CYS1: variants seen among roughly 807,000 people sequenced by gnomAD.
CYS1 encodes cystin-1.
Under a neutral mutation model 9.6 loss-of-function variants are expected in CYS1, and 5 were observed. The ratio of observed to expected loss-of-function variants is 0.52; its 90% CI spans 0.27 to 1.10. The LOEUF is 1.10. Ranked by LOEUF, CYS1 falls within the 50% of genes least tolerant of loss-of-function variation. The probability of loss-of-function intolerance (pLI) is 0.11; values close to 1 mark genes in which losing one functional copy is unlikely to be tolerated. For synonymous variants in CYS1, 88 were observed against 95.7 expected (o/e 0.92, Z 0.47); for missense variants, 221 against 207.9 (o/e 1.06, Z -0.39).
chr2:10,064,834 T>C (rs1272925802), intron 2 of CYS1, among the ~76,000 whole-genome samples: 2 of 151,644 alleles, frequency 1.3e-5, no homozygotes, highest in South Asian at 2.1e-4. Flanking sequence ...TCTCCTGCCT[T>C]AGCCCCCGGA....
In CYS1 at chr2:10,058,489, GC is replaced by G. The variant is rs1661580945; in HGVS notation, c.*363del. On this transcript the variant is annotated 3_prime_UTR_variant, in exon 3 of 3. Coordinates refer to ENST00000381813, the MANE Select transcript of CYS1 (RefSeq NM_001037160.3). The stretch of plus-strand genomic sequence containing the variant: ...TGTTGTGGCGCGGATGCCAGGAGGG[GC>G]TCGCTTGTGTCACCTAGTCCTCGTG... 1 of 202,446 alleles carries G rather than the reference GC, an allele frequency of 4.9e-6. No individual in the cohort carries two copies. Among genetic ancestry groups the G allele is most frequent in the African/African-American group, 2.3e-5 (1 of 43,692 alleles). The allele number at this position is 202,446 out of a possible 1,614,324, so 12.5% of individuals were successfully genotyped here.
chr2:10,058,805 C>T lies in CYS1; in HGVS notation c.*48G>A. The stretch of plus-strand genomic sequence containing the variant: ...AGCTCTGTGCAAGCAGAGGGTGCCC[C>T]AGCCAGCAGGTGCCTCCGAGGCCTG... On this transcript the variant is annotated 3_prime_UTR_variant, in exon 3 of 3. Coordinates refer to ENST00000381813, the MANE Select transcript of CYS1 (RefSeq NM_001037160.3). 1.3e-6 allele frequency: 2 copies of T among 1,485,926 alleles called. No homozygotes were observed. The highest frequency in any genetic ancestry group is 9.1e-7 in the Non-Finnish European group (1 of 1,100,410). 92.0% of individuals were successfully genotyped at this position (1,485,926 alleles called of 1,614,324 possible).
rs6721224 is a variant in CYS1, at chr2:10,076,382, G to T, written c.318+3524C>A. ...CCCTACCGCCATCCACTACTGCTGC[G>T]CTGTAAAAAGAGCCTTCCTACAAGA... On this transcript the variant is annotated intron_variant, in intron 1 of 2. Coordinates refer to ENST00000381813, the MANE Select transcript of CYS1 (RefSeq NM_001037160.3). This position sits in a 1 kb window ranked among gnomAD's most constrained non-coding sequence, Gnocchi z 4.3. Among the ~76,000 whole-genome samples, 1 of 151,766 alleles carries T rather than the reference G, an allele frequency of 6.6e-6. No homozygotes were observed. The highest frequency in any genetic ancestry group is 1.5e-5 in the Non-Finnish European group (1 of 67,970).
At chr2:10,070,306 G>A (rs569771544) in intron 1 of CYS1, among the ~76,000 whole-genome samples, 2 of 152,076 alleles carry the variant, frequency 1.3e-5, no homozygotes, top group East Asian at 1.9e-4. Flanking sequence ...GACCTCTATC[G>A]CTGCGGTCCC....
chr2:10,059,814 C>T (rs1214801598), intron 2 of CYS1, among the ~76,000 whole-genome samples: 2 of 152,284 alleles, frequency 1.3e-5, no homozygotes, highest in Non-Finnish European at 2.9e-5. Flanking sequence ...ACCACACGTT[C>T]AGGATCCCGC....
chr2:10,071,318 T>C lies in CYS1; in HGVS notation c.319-5362A>G, dbSNP rs373846580. On this transcript the variant is annotated intron_variant, in intron 1 of 2. Transcript: ENST00000381813. ...GACATCCAGCCAAGCCCAGGGCCTG[T>C]CAGGGTGGACACTGAGCTGCCTGCT... is the stretch of plus-strand genomic sequence containing the variant. 1.1e-4 allele frequency among the ~76,000 whole-genome samples: 17 copies of C among 152,264 alleles called. No homozygotes were observed. In the East Asian group the frequency reaches 2.1e-3, roughly 19 times the overall value.
At chr2:10,059,031 A>G in intron 2 of CYS1, 73 bp from the exon 3 acceptor site, 2 of 1,396,078 alleles carry the variant, frequency 1.4e-6, no homozygotes, top group South Asian at 1.2e-5. Flanking sequence ...CCTGGCCACC[A>G]CAATGGCTCC....
intron 1 of CYS1, among the ~76,000 whole-genome samples, chr2:10,066,425 G>A (rs1661695907): frequency 6.6e-6 from 1 of 152,146 alleles, no homozygotes; most frequent in African/African-American, 2.4e-5. Context: ...CAGGAACCAC[G>A]CGACCCCGAC....
chr2:10,059,346 A>G (rs1661595279), intron 2 of CYS1, among the ~76,000 whole-genome samples: 3 of 152,258 alleles, frequency 2.0e-5, no homozygotes, highest in African/African-American at 7.2e-5. Flanking sequence ...GTTCTGAAGC[A>G]TAAGATAATG....
Position 10,079,976 on chromosome 2 carries a change from G to T in CYS1, c.248C>A (p.Ala83Asp), listed in dbSNP as rs986875210. 3.6e-6 allele frequency: 4 copies of T among 1,104,264 alleles called. No individual in the cohort carries two copies. The African/African-American group carries it at 6.7e-5, about 18-fold the overall frequency. The allele number at this position is 1,104,264 out of a possible 1,614,324, so 68.4% of individuals were successfully genotyped here. The stretch of plus-strand genomic sequence containing the variant: ...CGGGGCGGGCTCCGGGGGGCCCCAG[G>T]CCGCCGACTCGGCCAGCAGCTCGTC... ...LLDELLAESA[A>D]WGPPEPAPRR... Residue 83 changes from alanine to aspartate, a missense_variant, in exon 1 of 3, where the codon GCC becomes GAC. By Grantham distance (126) the Ala-to-Asp change is moderately radical. Coordinates refer to ENST00000381813, the MANE Select transcript of CYS1 (RefSeq NM_001037160.3).
Position 10,058,538 on chromosome 2 carries a change from G to A in CYS1, c.*315C>T. 1 of 282,178 alleles carries A rather than the reference G, an allele frequency of 3.5e-6. No individual in the cohort carries two copies. Among genetic ancestry groups the A allele is most frequent in the Non-Finnish European group, 6.7e-6 (1 of 148,158 alleles). 17.5% of individuals were successfully genotyped at this position (282,178 alleles called of 1,614,324 possible). A position where few individuals can be genotyped will look rare whatever the true frequency, so the allele number is the denominator to read the frequency against. On this transcript the variant is annotated 3_prime_UTR_variant, in exon 3 of 3. Transcript: ENST00000381813. ...GTGAGCCCTCCCCACTGTGGAGAGC[G>A]GGCAACCAAGAGGGGCACGCATTTC...
intron 1 of CYS1, among the ~76,000 whole-genome samples, 183 bp from the exon 2 acceptor site, chr2:10,066,139 G>A (rs913604166): frequency 1.3e-5 from 2 of 152,220 alleles, no homozygotes; most frequent in Non-Finnish European, 2.9e-5. Context: ...GAAAACGGAG[G>A]CTGCAAAAAG....
rs1661654474 is a variant in CYS1 at position 10,063,422 on chromosome 2, T to C, written c.371+2482A>G. ...GGGTTTCTTCTTCGATATTTTATTA[T>C]GAAAAATTTCAAACATACTGAAAAG... On this transcript the variant is annotated intron_variant, in intron 2 of 2. Coordinates refer to ENST00000381813, the MANE Select transcript of CYS1 (RefSeq NM_001037160.3). This position sits in a 1 kb window ranked among gnomAD's most constrained non-coding sequence, Gnocchi z 4.2. Among the ~76,000 whole-genome samples the C allele has an allele frequency of 6.6e-6, 1 of 152,232 alleles. No individual in the cohort carries two copies. The highest frequency in any genetic ancestry group is 2.4e-5 in the African/African-American group (1 of 41,460).
In CYS1 at chr2:10,059,169, C is replaced by T. The variant is rs147307671; in HGVS notation, c.372-211G>A. ...TTCATCTCCCACAACGCTGAGCCCT[C>T]GCAGAGTGGAAGCCAGCACCTGCCC... On this transcript the variant is annotated intron_variant, in intron 2 of 2. Transcript: ENST00000381813. Among the ~76,000 whole-genome samples the T allele has an allele frequency of 6.3e-3, 957 of 152,368 alleles. 5 individuals carry two copies. Among genetic ancestry groups the T allele is most frequent in the Non-Finnish European group, 8.6e-3 (588 of 68,026 alleles).
intron 1 of CYS1, among the ~76,000 whole-genome samples, chr2:10,069,980 C>T (rs772096374): frequency 6.6e-6 from 1 of 152,202 alleles, no homozygotes; most frequent in Non-Finnish European, 1.5e-5. Context: ...AAAGGCTGCC[C>T]CAGGAGGCAG....
At chr2:10,075,849 A>G (rs1661835597) in intron 1 of CYS1, among the ~76,000 whole-genome samples, 1 of 152,234 alleles carries the variant, frequency 6.6e-6, no homozygotes, top group African/African-American at 2.4e-5. Flanking sequence ...CCAGGTTTAT[A>G]GGCAGAGGGA....
chr2:10,062,337 C>G (rs569335959), intron 2 of CYS1, among the ~76,000 whole-genome samples: 2 of 152,284 alleles, frequency 1.3e-5, no homozygotes, highest in South Asian at 4.1e-4. Flanking sequence ...CTCAGAAACC[C>G]ACATGTTAAA....
rs915929114 is a variant in CYS1 at position 10,057,187 on chromosome 2, T to G, written c.*1666A>C. 24 of 152,292 alleles carry G rather than the reference T, an allele frequency of 1.6e-4. No individual in the cohort carries two copies. Among genetic ancestry groups the G allele is most frequent in the African/African-American group, 5.5e-4 (23 of 41,486 alleles). 9.4% of individuals were successfully genotyped at this position (152,292 alleles called of 1,614,324 possible). A position where few individuals can be genotyped will look rare whatever the true frequency, so the allele number is the denominator to read the frequency against. Reference sequence around the variant, plus strand: ...CCATCTGGTGGTAAGAAATGTTAACTTATTTTAAAAGATGTATTTGCATTA... The same window carrying G: ...CCATCTGGTGGTAAGAAATGTTAACGTATTTTAAAAGATGTATTTGCATTA... On this transcript the variant is annotated 3_prime_UTR_variant, in exon 3 of 3. Transcript: ENST00000381813.
chr2:10,074,844 G>A (rs547636426), intron 1 of CYS1, among the ~76,000 whole-genome samples: 4 of 152,272 alleles, frequency 2.6e-5, no homozygotes, highest in African/African-American at 4.8e-5. Flanking sequence ...AGGTGCGGTC[G>A]CTCATGCCTA....
Sources: allele counts gnomAD v4.1 joint callset (sites outside exome capture counted in the v4.1 genomes callset), GRCh38; gene constraint gnomAD v4.1.1; non-coding constraint Gnocchi (gnomAD v3.1); transcripts MANE v1.5; gene names NCBI Gene and HGNC (gene_info 2026-07-23, HGNC 2026-07-21).